BCL9: variants seen among roughly 807,000 people sequenced by gnomAD.
The protein encoded by BCL9 is BCL9 transcription coactivator.
BCL9 carries 25 observed loss-of-function variants against 88.5 expected under a neutral mutation model. The ratio of observed to expected loss-of-function variants is 0.28; its 90% confidence interval spans 0.21 to 0.39. BCL9 has a LOEUF of 0.39. Among genes scored for constraint, BCL9 ranks in the 10% least tolerant of loss-of-function variants. The pLI is 1.00. For synonymous variants in BCL9, 711 were observed against 673.3 expected (o/e 1.06, Z -0.87); for missense variants, 1,817 against 1,877.8 (o/e 0.97, Z 0.60).
intron 1 of BCL9, among the ~76,000 whole-genome samples, chr1:147,587,038 A>G (rs1612689): frequency 9.5e-6 from 1 of 104,866 alleles, no homozygotes; most frequent in African/African-American, 2.7e-5. Flanking sequence ...CTCTCTCTCT[A>G]TATATGTATA....
intron 1 of BCL9, among the ~76,000 whole-genome samples, chr1:147,597,998 T>C (rs2101583496): frequency 6.6e-6 from 1 of 152,344 alleles, no homozygotes; most frequent in East Asian, 1.9e-4. Context: ...TGAGCAGAGG[T>C]GATCTGGTCT....
rs147084078 is a variant in BCL9 at position 147,603,503 on chromosome 1, T to C, written c.-477-1274T>C. On this transcript the variant is annotated intron_variant, in intron 1 of 9. Coordinates refer to ENST00000234739, the MANE Select transcript of BCL9 (RefSeq NM_004326.4). ...TTGCTCTAGATCAGGGTTTTTTGTTTTGTTTTTTTTTAAATTGAGACAGAG... is the reference window on the plus strand; with the variant it reads ...TTGCTCTAGATCAGGGTTTTTTGTTCTGTTTTTTTTTAAATTGAGACAGAG... Among the ~76,000 whole-genome samples the C allele has an allele frequency of 1.7e-3, 257 of 152,238 alleles. 1 individual carries two copies. The highest frequency in any genetic ancestry group is 0.016 in the Admixed American group (246 of 15,300).
chr1:147,596,910 AG>A (rs1553200567), intron 1 of BCL9, among the ~76,000 whole-genome samples: 1 of 152,190 alleles, frequency 6.6e-6, no homozygotes, highest in Non-Finnish European at 1.5e-5. Context: ...GCTTTGACCA[AG>A]GCAAGAATTT....
chr1:147,612,738 G>C, intron 4 of BCL9, 145 bp from the exon 5 acceptor site: 1 of 763,100 alleles, frequency 1.3e-6, no homozygotes, highest in Non-Finnish European at 2.1e-6. Flanking sequence ...GGTGGCGGGA[G>C]CAAGCAAATG....
intron 1 of BCL9, among the ~76,000 whole-genome samples, chr1:147,593,661 A>G (rs1656933148): frequency 6.6e-6 from 1 of 152,230 alleles, no homozygotes; most frequent in Non-Finnish European, 1.5e-5. Context: ...GTAGGCACTT[A>G]GTAAACTCTT....
At chr1:147,577,771 C>T (rs1471116372) in intron 1 of BCL9, among the ~76,000 whole-genome samples, 1 of 151,758 alleles carries the variant, frequency 6.6e-6, no homozygotes, top group African/African-American at 2.4e-5. Flanking sequence ...CCCCTTCTGT[C>T]TTTGCCATTC....
intron 2 of BCL9, among the ~76,000 whole-genome samples, chr1:147,606,145 T>A (rs1657692239): frequency 3.9e-5 from 6 of 152,330 alleles, no homozygotes; most frequent in African/African-American, 1.4e-4. Flanking sequence ...CAAGGACTAA[T>A]GGTGGAAATT....
At chr1:147,599,710 TGGCG>T (rs1226713103) in intron 1 of BCL9, among the ~76,000 whole-genome samples, 2 of 149,516 alleles carry the variant, frequency 1.3e-5, no homozygotes, top group African/African-American at 4.9e-5. Flanking sequence ...GGGCGGGCCC[TGGCG>T]GGCGTGCCTA....
chr1:147,620,594 G>A lies in BCL9; in HGVS notation c.2439G>A (p.Arg813=), dbSNP rs147528900. The change falls in exon 8 of 10, where the codon CGG becomes CGA. Residue 813 remains arginine, a synonymous_variant. Transcript: ENST00000234739. ...PIGPDQRTNS[R]LSHMPPLPLN... ...GGCCCGACCAGAGGACTAACAGCCG[G>A]CTCAGTCATATGCCACCACTACCTC... 2.2e-5 allele frequency: 35 copies of A among 1,614,192 alleles called. No individual in the cohort carries two copies. In the African/African-American group the frequency reaches 4.7e-4, roughly 22 times the overall value.
At chr1:147,567,003 G>T (rs1358359208) in intron 1 of BCL9, among the ~76,000 whole-genome samples, 2 of 152,150 alleles carry the variant, frequency 1.3e-5, no homozygotes, top group African/African-American at 4.8e-5. Flanking sequence ...AATAGAGTCT[G>T]GGTGGTTGGG....
At chr1:147,587,172 G>C (rs1553199326) in intron 1 of BCL9, among the ~76,000 whole-genome samples, 1 of 151,258 alleles carries the variant, frequency 6.6e-6, no homozygotes. Flanking sequence ...ACTCTTCCCC[G>C]CCCCCATAGC....
chr1:147,568,764 G>T (rs1013709107), intron 1 of BCL9, among the ~76,000 whole-genome samples: 1 of 152,168 alleles, frequency 6.6e-6, no homozygotes, highest in African/African-American at 2.4e-5. Context: ...TCTAGCCCCA[G>T]GGCATTGGGC....
chr1:147,585,005 C>T (rs1656538665), intron 1 of BCL9, among the ~76,000 whole-genome samples: 1 of 152,132 alleles, frequency 6.6e-6, no homozygotes, highest in Admixed American at 6.5e-5. Flanking sequence ...AGAGCTGTTA[C>T]ATGATGCACA....
intron 1 of BCL9, among the ~76,000 whole-genome samples, chr1:147,549,173 T>TG (rs1654771068): frequency 6.6e-6 from 1 of 151,920 alleles, no homozygotes; most frequent in Admixed American, 6.6e-5. Flanking sequence ...GACAGAGTTT[T>TG]GCCGTGTTGG....
rs187565685 is a variant in BCL9 at position 147,572,831 on chromosome 1, C to T, written c.-478+31157C>T. Among the ~76,000 whole-genome samples, 94 of 152,342 alleles carry T rather than the reference C, an allele frequency of 6.2e-4. 1 individual carries two copies. The highest frequency in any genetic ancestry group is 2.1e-3 in the African/African-American group (87 of 41,582). On this transcript the variant is annotated intron_variant, in intron 1 of 9. Coordinates refer to ENST00000234739, the MANE Select transcript of BCL9 (RefSeq NM_004326.4). ...CTGGCCTCAAGTGACCCACCCACCT[C>T]GGCCTCCCAGACTGCTGGGATTATA...
Position 147,551,071 on chromosome 1 carries a change from T to G in BCL9, c.-478+9397T>G, listed in dbSNP as rs587771350. 2.5e-3 allele frequency among the ~76,000 whole-genome samples: 384 copies of G among 152,354 alleles called. 1 individual carries two copies. The highest frequency in any genetic ancestry group is 6.8e-3 in the Admixed American group (104 of 15,310). Reference sequence around the variant, plus strand: ...GAGGGACTTGTATTATTATTTCTACTTTATAAATGAGGAGACAATAATAAT... The same window carrying G: ...GAGGGACTTGTATTATTATTTCTACGTTATAAATGAGGAGACAATAATAAT... On this transcript the variant is annotated intron_variant, in intron 1 of 9. Transcript: ENST00000234739.
At chr1:147,618,161 G>A (rs1261798363) in intron 7 of BCL9, among the ~76,000 whole-genome samples, 1 of 152,126 alleles carries the variant, frequency 6.6e-6, no homozygotes, top group Non-Finnish European at 1.5e-5. Flanking sequence ...TACAGTTAAT[G>A]TACAAATTCT....
At chr1:147,558,305 A>G (rs1422499608) in intron 1 of BCL9, among the ~76,000 whole-genome samples, 5 of 152,142 alleles carry the variant, frequency 3.3e-5, no homozygotes, top group African/African-American at 1.2e-4. Flanking sequence ...TGAAATCAGC[A>G]CTTGCCCAGA....
intron 1 of BCL9, among the ~76,000 whole-genome samples, chr1:147,601,260 A>T (rs1657375286): frequency 6.6e-6 from 1 of 152,204 alleles, no homozygotes; most frequent in African/African-American, 2.4e-5. Context: ...AATGGACATA[A>T]CTATCTCTTA....
Sources: allele counts gnomAD v4.1 joint callset (sites outside exome capture counted in the v4.1 genomes callset), GRCh38; gene constraint gnomAD v4.1.1; transcripts MANE v1.5; gene names NCBI Gene and HGNC (gene_info 2026-07-23, HGNC 2026-07-21).